HESX1: variants seen among roughly 807,000 people sequenced by gnomAD.
The protein encoded by HESX1 is homeobox expressed in ES cells 1.
Under a neutral mutation model 22.5 loss-of-function variants are expected in HESX1, and 11 were observed. The ratio of observed to expected loss-of-function variants is 0.49; its 90% CI spans 0.31 to 0.81. The LOEUF (loss-of-function observed/expected upper bound fraction) is 0.81. HESX1 is among the 30% of genes least tolerant of loss of function. The probability of loss-of-function intolerance (pLI) is 0.05; values close to 1 mark genes in which losing one functional copy is unlikely to be tolerated. For missense variants in HESX1, 201 were observed against 212.6 expected, an observed-to-expected ratio of 0.95 and a Z score of 0.34; for synonymous variants, 74 against 76.5, an observed-to-expected ratio of 0.97 and a Z score of 0.17.
intron 1 of HESX1, among the ~76,000 whole-genome samples, chr3:57,199,350 G>C (rs1034395205): frequency 2.0e-5 from 3 of 152,252 alleles, no homozygotes; most frequent in African/African-American, 7.2e-5. Flanking sequence ...TGGGCGTGGT[G>C]GGTCATGCCT....
intron 1 of HESX1, among the ~76,000 whole-genome samples, chr3:57,216,494 C>T (rs887853803): frequency 2.0e-5 from 3 of 152,136 alleles, no homozygotes; most frequent in Non-Finnish European, 2.9e-5. Flanking sequence ...CATCTGTAGT[C>T]CCAGATACCT....
At chr3:57,225,488 C>T (rs2060636454) in intron 1 of HESX1, among the ~76,000 whole-genome samples, 3 of 152,274 alleles carry the variant, frequency 2.0e-5, no homozygotes, top group Non-Finnish European at 2.9e-5. Context: ...GAACTACAGG[C>T]GTGTGCCACC....
upstream of HESX1, chr3:57,199,979 A>G: frequency 2.0e-6 from 3 of 1,479,464 alleles, no homozygotes; most frequent in East Asian, 2.3e-5. Context: ...CCACGTGTAT[A>G]GGGCTGGGAT....
exon 1 of HESX1, chr3:57,226,483 A>G (rs972695501): frequency 6.6e-6 from 1 of 152,204 alleles, no homozygotes; most frequent in Non-Finnish European, 1.5e-5. Context: ...CTGATAAACA[A>G]TCTAAGGGGA....
intron 1 of HESX1, among the ~76,000 whole-genome samples, chr3:57,226,084 G>A (rs1326625552): frequency 6.6e-6 from 1 of 151,568 alleles, no homozygotes; most frequent in Non-Finnish European, 1.5e-5. Flanking sequence ...CGCCATGTTG[G>A]GCAGGCTGGT....
At chr3:57,217,185 A>G (rs190447885) in intron 1 of HESX1, among the ~76,000 whole-genome samples, 5 of 152,192 alleles carry the variant, frequency 3.3e-5, no homozygotes, top group African/African-American at 1.2e-4. Context: ...TCTGGGCTGT[A>G]TGTGTGTTCG....
intron 1 of HESX1, among the ~76,000 whole-genome samples, chr3:57,199,345 G>A (rs1167639595): frequency 5.9e-5 from 9 of 152,122 alleles, no homozygotes; most frequent in African/African-American, 1.7e-4. Flanking sequence ...CTGGCTGGGC[G>A]TGGTGGGTCA....
intron 1 of HESX1, among the ~76,000 whole-genome samples, chr3:57,220,581 C>T (rs888998068): frequency 2.0e-5 from 3 of 152,220 alleles, no homozygotes; most frequent in Middle Eastern, 3.4e-3. Flanking sequence ...AGGCGTGCAC[C>T]ACCACTGCCC....
At chr3:57,203,846 T>C (rs1194984828), upstream of HESX1, among the ~76,000 whole-genome samples, 10 of 152,094 alleles carry the variant, frequency 6.6e-5, no homozygotes, top group Admixed American at 6.6e-4. Context: ...GTAATTTGTA[T>C]TTTCAGTAGA....
chr3:57,203,300 G>A (rs1460330806), upstream of HESX1, among the ~76,000 whole-genome samples: 1 of 151,738 alleles, frequency 6.6e-6, no homozygotes, highest in Non-Finnish European at 1.5e-5. Context: ...ATTGTTTAGC[G>A]GCAAAAGATG....
chr3:57,219,758 G>A (rs2107584131), intron 1 of HESX1, among the ~76,000 whole-genome samples: 1 of 152,260 alleles, frequency 6.6e-6, no homozygotes, highest in East Asian at 1.9e-4. Flanking sequence ...CAGATGCATA[G>A]TTTCCAAAAA....
chr3:57,218,420 G>A (rs1217203575), intron 1 of HESX1, among the ~76,000 whole-genome samples: 1 of 150,714 alleles, frequency 6.6e-6, no homozygotes, highest in Non-Finnish European at 1.5e-5. Context: ...TCCATGTTTG[G>A]AAAGGACATG....
At chr3:57,224,413 C>A (rs892419352) in intron 1 of HESX1, among the ~76,000 whole-genome samples, 2 of 152,098 alleles carry the variant, frequency 1.3e-5, no homozygotes, top group African/African-American at 2.4e-5. Flanking sequence ...GCTAGGATTA[C>A]AAGCATGAGC....
At chr3:57,210,702 T>C (rs1376428659) in intron 1 of HESX1, among the ~76,000 whole-genome samples, 1 of 152,230 alleles carries the variant, frequency 6.6e-6, no homozygotes, top group Non-Finnish European at 1.5e-5. Flanking sequence ...ACTAGCAAGA[T>C]GTGACATTTG....
intron 1 of HESX1, among the ~76,000 whole-genome samples, chr3:57,219,569 G>A (rs1040716882): frequency 4.0e-5 from 6 of 151,888 alleles, no homozygotes; most frequent in Admixed American, 1.3e-4. Flanking sequence ...GGGTTTCACC[G>A]TGTCAGCCAG....
intron 1 of HESX1, among the ~76,000 whole-genome samples, chr3:57,212,841 G>A (rs1447983915): frequency 1.3e-5 from 2 of 151,938 alleles, no homozygotes; most frequent in East Asian, 1.9e-4. Flanking sequence ...TGTACACAAC[G>A]TGCAAGTTTG....
At chr3:57,226,027 G>A (rs953890829) in intron 1 of HESX1, among the ~76,000 whole-genome samples, 14 of 151,704 alleles carry the variant, frequency 9.2e-5, no homozygotes, top group African/African-American at 2.2e-4. Context: ...CTACAGGCAC[G>A]CCACCACGCC....
chr3:57,206,199 AAAAAC>A (rs796987501), intron 1 of HESX1, among the ~76,000 whole-genome samples: 9 of 152,348 alleles, frequency 5.9e-5, no homozygotes, highest in African/African-American at 9.6e-5. Context: ...TCAAAAAAAC[AAAAAC>A]AAAACAAAAC....
chr3:57,222,292 C>T (rs577526528), intron 1 of HESX1, among the ~76,000 whole-genome samples: 4 of 152,198 alleles, frequency 2.6e-5, no homozygotes, highest in Middle Eastern at 3.4e-3. Context: ...GACAGGGTCT[C>T]GCTATCACCA....
Sources: gnomAD v4.1 joint callset for allele counts (sites outside exome capture counted in the v4.1 genomes callset) on GRCh38, gnomAD v4.1.1 for gene constraint, MANE v1.5 for transcripts, NCBI Gene and HGNC (gene_info 2026-07-23, HGNC 2026-07-21) for gene names.